The following BBOX1 variants were observed in gnomAD, a reference collection of about 807,000 sequenced individuals.
BBOX1 encodes the protein gamma-butyrobetaine hydroxylase 1, also known as gamma-butyrobetaine dioxygenase.
BBOX1 carries 35 observed loss-of-function variants against 41.6 expected under a neutral mutation model. That is an observed-to-expected ratio of 0.84 (90% CI 0.64 to 1.11). The LOEUF is 1.11. Among genes scored for constraint, BBOX1 ranks in the 50% most tolerant of loss-of-function variants. The pLI, the probability that BBOX1 is intolerant of heterozygous loss-of-function variation, is 0.00. For synonymous variants in BBOX1, 163 were observed against 154.7 expected, an observed-to-expected ratio of 1.05 and a Z score of -0.40; for missense variants, 458 against 460.6, an observed-to-expected ratio of 0.99 and a Z score of 0.05.
chr11:27,082,985 G>A (rs945674225), intron 4 of BBOX1, among the ~76,000 whole-genome samples: 10 of 152,012 alleles, frequency 6.6e-5, no homozygotes, highest in African/African-American at 2.4e-4. Flanking sequence ...AGTATGTCAG[G>A]TTACTAACAG....
At chr11:27,078,884 C>T (rs917739409) in intron 4 of BBOX1, among the ~76,000 whole-genome samples, 4 of 152,082 alleles carry the variant, frequency 2.6e-5, no homozygotes, top group Non-Finnish European at 4.4e-5. Context: ...TTAAAAGAGG[C>T]GATGCCTATT....
At chr11:27,092,530 G>A (rs1297573177) in intron 4 of BBOX1, among the ~76,000 whole-genome samples, 1 of 151,866 alleles carries the variant, frequency 6.6e-6, no homozygotes, top group African/African-American at 2.4e-5. Context: ...ATTTAATCAT[G>A]AAGAATGAGA....
intron 8 of BBOX1, among the ~76,000 whole-genome samples, chr11:27,126,964 G>A (rs1859684463): frequency 1.3e-5 from 2 of 152,084 alleles, no homozygotes; most frequent in African/African-American, 4.8e-5. Context: ...GTGAGCCACC[G>A]CGCCCGGCAG....
rs1036485076 is a variant in BBOX1, at chr11:27,040,849, T to G, written c.-481T>G. 6.6e-6 allele frequency: 1 copy of G among 152,192 alleles called. No individual in the cohort carries two copies. Among genetic ancestry groups the G allele is most frequent in the Non-Finnish European group, 1.5e-5 (1 of 68,046 alleles). 9.4% of individuals were successfully genotyped at this position (152,192 alleles called of 1,614,324 possible). On this transcript the variant is annotated 5_prime_UTR_variant, in exon 1 of 9. Coordinates refer to ENST00000263182, the MANE Select transcript of BBOX1 (RefSeq NM_003986.3). ...TACTCTGTTGACAAGTAGATACCAC[T>G]TCACCTCTGCTAGGGTGAGCGCTGG...
At chr11:27,120,554 T>C (rs543718266) in intron 7 of BBOX1, among the ~76,000 whole-genome samples, 2 of 152,282 alleles carry the variant, frequency 1.3e-5, no homozygotes, top group East Asian at 3.9e-4. Context: ...ATATATTACC[T>C]ACACAGAACA....
intron 5 of BBOX1, among the ~76,000 whole-genome samples, chr11:27,107,401 T>C (rs539851553): frequency 2.6e-5 from 4 of 152,102 alleles, no homozygotes; most frequent in Admixed American, 6.6e-5. Flanking sequence ...GAAATACTTA[T>C]ATTTGTTTAA....
At chr11:27,111,552 C>T (rs1014271453) in intron 5 of BBOX1, among the ~76,000 whole-genome samples, 1 of 151,866 alleles carries the variant, frequency 6.6e-6, no homozygotes, top group East Asian at 1.9e-4. Flanking sequence ...TTACTATATT[C>T]TGTTGTGTGT....
chr11:27,105,489 A>T (rs1404299519), intron 5 of BBOX1, among the ~76,000 whole-genome samples: 6 of 152,198 alleles, frequency 3.9e-5, no homozygotes, highest in Non-Finnish European at 8.8e-5. Flanking sequence ...AAGAAAGGGT[A>T]TCAGTAATTG....
chr11:27,063,105 G>C (rs572850188), intron 4 of BBOX1: 18 of 152,372 alleles, frequency 1.2e-4, no homozygotes, highest in Admixed American at 3.3e-4. Context: ...GGATGGAGGA[G>C]GGTGTAGAAT....
At chr11:27,072,470 C>G (rs932432952) in intron 4 of BBOX1, among the ~76,000 whole-genome samples, 7 of 152,124 alleles carry the variant, frequency 4.6e-5, no homozygotes, top group African/African-American at 1.7e-4. Flanking sequence ...CAGGAAGAAT[C>G]AATATCGTGA....
At chr11:27,057,598 A>G (rs952574669) in intron 4 of BBOX1, among the ~76,000 whole-genome samples, 2 of 152,138 alleles carry the variant, frequency 1.3e-5, no homozygotes, top group Admixed American at 1.3e-4. Context: ...TACCACAGAC[A>G]CTCCGTAAGT....
At chr11:27,113,570 G>T (rs1859155585) in intron 5 of BBOX1, among the ~76,000 whole-genome samples, 2 of 151,720 alleles carry the variant, frequency 1.3e-5, no homozygotes, top group African/African-American at 4.8e-5. Flanking sequence ...ACCCAATACA[G>T]CATGTTTTCA....
At chr11:27,118,169 C>A (rs894188953) in intron 6 of BBOX1, among the ~76,000 whole-genome samples, 8 of 151,898 alleles carry the variant, frequency 5.3e-5, no homozygotes, top group Non-Finnish European at 8.8e-5. Context: ...ATCATAGATA[C>A]ACTATAAAGA....
intron 5 of BBOX1, among the ~76,000 whole-genome samples, chr11:27,096,552 A>T (rs530263766): frequency 3.3e-5 from 5 of 152,124 alleles, no homozygotes; most frequent in African/African-American, 1.2e-4. Flanking sequence ...CACGTTAGAC[A>T]TGCCTTCCTT....
chr11:27,061,102 C>T (rs998359914), intron 4 of BBOX1, among the ~76,000 whole-genome samples: 2 of 152,092 alleles, frequency 1.3e-5, no homozygotes, highest in Admixed American at 6.5e-5. Context: ...ACTTTCATTT[C>T]CTTCAAGTTC....
intron 4 of BBOX1, 162 bp downstream of exon 4, chr11:27,057,477 G>A: frequency 1.6e-6 from 1 of 611,038 alleles, no homozygotes; most frequent in Non-Finnish European, 2.8e-6. Context: ...ATATCATTTG[G>A]GTAGAGATGA....
intron 4 of BBOX1, among the ~76,000 whole-genome samples, chr11:27,091,244 C>T (rs1457554227): frequency 2.6e-5 from 4 of 151,922 alleles, no homozygotes; most frequent in Admixed American, 2.6e-4. Flanking sequence ...CATATCTCAA[C>T]TATAGCAGTG....
At chr11:27,089,241 G>A (rs1461426651) in intron 4 of BBOX1, among the ~76,000 whole-genome samples, 1 of 151,868 alleles carries the variant, frequency 6.6e-6, no homozygotes, top group African/African-American at 2.4e-5. Context: ...CCAGCCAGAT[G>A]TCAAATCTCA....
At chr11:27,058,392 C>A (rs1857047485) in intron 4 of BBOX1, among the ~76,000 whole-genome samples, 1 of 152,160 alleles carries the variant, frequency 6.6e-6, no homozygotes, top group African/African-American at 2.4e-5. Flanking sequence ...CAAACTAATA[C>A]AGAAAATTGG....
Sources: allele counts gnomAD v4.1 joint callset (sites outside exome capture counted in the v4.1 genomes callset), GRCh38; gene constraint gnomAD v4.1.1; transcripts MANE v1.5; gene names NCBI Gene and HGNC (gene_info 2026-07-23, HGNC 2026-07-21).